ASTN2: variants seen among roughly 807,000 people sequenced by gnomAD.
ASTN2 encodes the protein astrotactin-2.
ASTN2 carries 54 observed loss-of-function variants against 139.8 expected under a neutral mutation model. That is an observed-to-expected ratio of 0.39 (90% CI 0.31 to 0.48). ASTN2 has a LOEUF of 0.48. ASTN2 is among the 20% of genes least tolerant of loss of function. ASTN2 has a pLI of 0.95. For missense variants in ASTN2, 1,565 were observed against 1,725.1 expected (o/e 0.91, Z 1.64); for synonymous variants, 756 against 719.5 (o/e 1.05, Z -0.81).
At chr9:117,094,153 AGAAAGGG>A in intron 5 of ASTN2, among the ~76,000 whole-genome samples, 1 of 117,322 alleles carries the variant, frequency 8.5e-6, no homozygotes, top group Non-Finnish European at 1.7e-5. Context: ...GGAGGGAGGG[AGAAAGGG>A]AGGAAGGGAG....
At chr9:116,935,152 C>A (rs1055511485) in intron 10 of ASTN2, among the ~76,000 whole-genome samples, 5 of 152,178 alleles carry the variant, frequency 3.3e-5, no homozygotes, top group African/African-American at 1.2e-4. Context: ...GTTGAACATA[C>A]ACTTCTAGGT....
At chr9:117,041,507 T>C (rs1564397664) in intron 5 of ASTN2, among the ~76,000 whole-genome samples, 1 of 152,188 alleles carries the variant, frequency 6.6e-6, no homozygotes, top group Non-Finnish European at 1.5e-5. Context: ...TGAAGAGTTG[T>C]GTAGTGCTAT....
chr9:117,378,193 T>A (rs559392450), intron 1 of ASTN2, among the ~76,000 whole-genome samples: 47 of 152,260 alleles, frequency 3.1e-4, no homozygotes, highest in African/African-American at 1.1e-3. Context: ...ATTTCTCAGA[T>A]GGGAGAGCAG....
At chr9:116,776,949 A>G (rs1156900656) in intron 13 of ASTN2, among the ~76,000 whole-genome samples, 1 of 152,204 alleles carries the variant, frequency 6.6e-6, no homozygotes, top group East Asian at 1.9e-4. Context: ...TTTTCCTGAC[A>G]AAATTACAAA....
chr9:116,865,282 A>AAAATG (rs145806030), intron 10 of ASTN2, among the ~76,000 whole-genome samples: 14 of 152,066 alleles, frequency 9.2e-5, no homozygotes, highest in African/African-American at 1.2e-4. Flanking sequence ...ACCAGCTTAG[A>AAAATG]AAATGAGGCA....
At chr9:117,096,951 C>T (rs4081271) in intron 4 of ASTN2, among the ~76,000 whole-genome samples, 1 of 152,132 alleles carries the variant, frequency 6.6e-6, no homozygotes, top group South Asian at 2.1e-4. Context: ...AGACACACAG[C>T]GGGAGGCCTT....
intron 1 of ASTN2, among the ~76,000 whole-genome samples, chr9:117,293,558 G>T (rs1044071318): frequency 6.6e-6 from 1 of 152,124 alleles, no homozygotes. Flanking sequence ...GGCCCCAAAG[G>T]CCCTGAGAAC....
intron 6 of ASTN2, among the ~76,000 whole-genome samples, chr9:117,014,877 G>A (rs933448101): frequency 3.9e-5 from 6 of 152,116 alleles, no homozygotes; most frequent in Non-Finnish European, 8.8e-5. Flanking sequence ...CAGCTCTGCT[G>A]ACACCATGAT....
intron 19 of ASTN2, among the ~76,000 whole-genome samples, chr9:116,574,108 A>G (rs1162109059): frequency 6.6e-6 from 1 of 152,196 alleles, no homozygotes; most frequent in Non-Finnish European, 1.5e-5. Flanking sequence ...AAGGTCAGCA[A>G]CTTTTAAATA....
chr9:116,778,407 A>ATT (rs1830137628), intron 13 of ASTN2, among the ~76,000 whole-genome samples: 1 of 151,600 alleles, frequency 6.6e-6, no homozygotes, highest in African/African-American at 2.4e-5. Context: ...TATTTATTTT[A>ATT]TTACTATTAT....
intron 7 of ASTN2, among the ~76,000 whole-genome samples, 198 bp from the exon 8 acceptor site, chr9:116,976,983 A>T (rs1013811852): frequency 6.6e-6 from 1 of 151,954 alleles, no homozygotes; most frequent in African/African-American, 2.4e-5. Context: ...TTATTCCTTC[A>T]ACAAATCCTG....
At chr9:117,330,989 G>A (rs1828689383) in intron 1 of ASTN2, among the ~76,000 whole-genome samples, 2 of 152,172 alleles carry the variant, frequency 1.3e-5, no homozygotes, top group African/African-American at 4.8e-5. Flanking sequence ...CAGGCAGAGG[G>A]ACCCTGTGTC....
intron 1 of ASTN2, among the ~76,000 whole-genome samples, chr9:117,303,029 A>G (rs1431532744): frequency 6.6e-6 from 1 of 151,774 alleles, no homozygotes; most frequent in African/African-American, 2.4e-5. Context: ...ATCATTCAAA[A>G]CCCAGCTGAA....
chr9:116,812,164 A>G (rs1276150046), intron 12 of ASTN2, among the ~76,000 whole-genome samples: 1 of 152,134 alleles, frequency 6.6e-6, no homozygotes, highest in East Asian at 1.9e-4. Flanking sequence ...TGTATATATG[A>G]CCTGGTTTGC....
chr9:116,458,754 T>C (rs1448841940), intron 20 of ASTN2, among the ~76,000 whole-genome samples: 2 of 151,820 alleles, frequency 1.3e-5, no homozygotes, highest in Non-Finnish European at 2.9e-5. Context: ...TTCAAAGAAA[T>C]TAAAGAAGGC....
At chr9:116,466,133 G>A (rs1194263378) in intron 20 of ASTN2, among the ~76,000 whole-genome samples, 1 of 152,130 alleles carries the variant, frequency 6.6e-6, no homozygotes, top group Non-Finnish European at 1.5e-5. Context: ...GGGGAGGGTG[G>A]GAAGCGGGCT....
At chr9:117,074,630 A>G (rs958550245) in intron 5 of ASTN2, among the ~76,000 whole-genome samples, 6 of 152,156 alleles carry the variant, frequency 3.9e-5, no homozygotes, top group Non-Finnish European at 5.9e-5. Flanking sequence ...AGAAGTGGCA[A>G]TCGTTGGGGT....
intron 13 of ASTN2, among the ~76,000 whole-genome samples, chr9:116,791,480 T>C (rs997202740): frequency 1.3e-5 from 2 of 152,162 alleles, no homozygotes; most frequent in African/African-American, 2.4e-5. Context: ...TGTTTATTTA[T>C]AAAAGAGATT....
At chr9:117,366,181 C>CT (rs1829839553) in intron 1 of ASTN2, among the ~76,000 whole-genome samples, 1 of 152,136 alleles carries the variant, frequency 6.6e-6, no homozygotes, top group South Asian at 2.1e-4. Flanking sequence ...AAACCGATGA[C>CT]TTTCAGGAGT....
Sources: allele counts gnomAD v4.1 joint callset (sites outside exome capture counted in the v4.1 genomes callset), GRCh38; gene constraint gnomAD v4.1.1; transcripts MANE v1.5; gene names NCBI Gene and HGNC (gene_info 2026-07-23, HGNC 2026-07-21).